RETREG1: variants seen among roughly 807,000 people sequenced by gnomAD.
RETREG1 encodes the protein family with sequence similarity 134 member B.
A neutral mutation model predicts 54.8 loss-of-function variants in RETREG1; 44 were observed. The ratio of observed to expected loss-of-function variants is 0.80; its 90% CI spans 0.63 to 1.03. The LOEUF (loss-of-function observed/expected upper bound fraction) is 1.03. Among genes scored for constraint, RETREG1 ranks in the 50% least tolerant of loss-of-function variants. The pLI, the probability that RETREG1 is intolerant of heterozygous loss-of-function variation, is 0.00. For missense variants in RETREG1, 554 were observed against 605.1 expected (o/e 0.92, Z 0.89); for synonymous variants, 217 against 238.5 (o/e 0.91, Z 0.83).
At chr5:16,543,502 C>A (rs527780858) in intron 3 of RETREG1, among the ~76,000 whole-genome samples, 1 of 151,926 alleles carries the variant, frequency 6.6e-6, no homozygotes, top group African/African-American at 2.4e-5. Flanking sequence ...ATGATGAAAC[C>A]CTATCTCTAG....
intron 3 of RETREG1, among the ~76,000 whole-genome samples, chr5:16,502,014 T>C (rs1739738772): frequency 6.6e-6 from 1 of 150,910 alleles, no homozygotes; most frequent in African/African-American, 2.4e-5. Context: ...TGGAGTGTAG[T>C]GGCGTGATCT....
rs988540784 is a variant in RETREG1, at chr5:16,502,425, C to T, written c.459-18953G>A. Among the ~76,000 whole-genome samples the T allele has an allele frequency of 4.6e-5, 7 of 152,292 alleles. No individual in the cohort carries two copies. The South Asian group carries it at 1.5e-3, about 32-fold the overall frequency. ...GACTGATGCTGTCCCAGCTTCTGGG[C>T]CCAGGCCTTAAGGAACAGGCAATAA... On this transcript the variant is annotated intron_variant, in intron 3 of 8. Coordinates refer to ENST00000306320, the MANE Select transcript of RETREG1 (RefSeq NM_001034850.3).
intron 3 of RETREG1, among the ~76,000 whole-genome samples, chr5:16,549,470 A>G (rs1420224660): frequency 1.3e-5 from 2 of 152,218 alleles, no homozygotes; most frequent in Non-Finnish European, 2.9e-5. Context: ...GGGCTTTTCT[A>G]TTCCTGTTTA....
intron 1 of RETREG1, among the ~76,000 whole-genome samples, chr5:16,598,235 ACTT>A (rs1462003607): frequency 6.6e-6 from 1 of 152,124 alleles, no homozygotes; most frequent in Admixed American, 6.5e-5. Flanking sequence ...CTAAAATGTC[ACTT>A]CTTCTAGGTC....
intron 3 of RETREG1, among the ~76,000 whole-genome samples, chr5:16,547,714 CA>C (rs1375753092): frequency 6.6e-6 from 1 of 152,138 alleles, no homozygotes; most frequent in Non-Finnish European, 1.5e-5. Context: ...GCAGGTTTTA[CA>C]AACCCCTTTA....
intron 5 of RETREG1, among the ~76,000 whole-genome samples, chr5:16,480,601 C>CT (rs1409759837): frequency 6.6e-6 from 1 of 152,102 alleles, no homozygotes; most frequent in Non-Finnish European, 1.5e-5. Flanking sequence ...TGCATCCCTC[C>CT]TAATACTTGA....
intron 3 of RETREG1, among the ~76,000 whole-genome samples, chr5:16,552,739 C>T (rs1377592717): frequency 6.6e-6 from 1 of 152,208 alleles, no homozygotes; most frequent in Non-Finnish European, 1.5e-5. Flanking sequence ...CACCTGTGCA[C>T]ACAGGTACAG....
At chr5:16,520,073 A>G (rs1423944814) in intron 3 of RETREG1, among the ~76,000 whole-genome samples, 1 of 152,164 alleles carries the variant, frequency 6.6e-6, no homozygotes, top group Non-Finnish European at 1.5e-5. Flanking sequence ...GCCTGGACAG[A>G]GCGGACTGCA....
intron 3 of RETREG1, among the ~76,000 whole-genome samples, chr5:16,489,203 AACT>A (rs1450443248): frequency 6.6e-6 from 1 of 152,082 alleles, no homozygotes; most frequent in African/African-American, 2.4e-5. Context: ...TGAACAAAAT[AACT>A]CAGTCAAACT....
At chr5:16,601,675 C>G (rs142052876) in intron 1 of RETREG1, among the ~76,000 whole-genome samples, 1 of 152,068 alleles carries the variant, frequency 6.6e-6, no homozygotes, top group Non-Finnish European at 1.5e-5. Context: ...CGATTATAGG[C>G]GTGAGCCACC....
chr5:16,539,100 T>C (rs1741164546), intron 3 of RETREG1, among the ~76,000 whole-genome samples: 1 of 152,140 alleles, frequency 6.6e-6, no homozygotes, highest in Admixed American at 6.5e-5. Flanking sequence ...CAGACATCAG[T>C]ATAAGGCACC....
intron 3 of RETREG1, among the ~76,000 whole-genome samples, chr5:16,511,189 CTG>C (rs1432614961): frequency 6.6e-6 from 1 of 152,204 alleles, no homozygotes; most frequent in Non-Finnish European, 1.5e-5. Flanking sequence ...TCAGCAAAAA[CTG>C]TGCATCAAAT....
At position 16,560,666 on chromosome 5, in the gene RETREG1, G is replaced by GA. The variant is rs531786856; in HGVS notation, c.458+5096dup. ...GCTCAGCACCTGTGAATGTGGAGGT[G>GA]AAAAAACCCTAATCCCACATGGCTC... On this transcript the variant is annotated intron_variant, in intron 3 of 8. Coordinates refer to ENST00000306320, the MANE Select transcript of RETREG1 (RefSeq NM_001034850.3). Among the ~76,000 whole-genome samples, 27 of 152,238 alleles carry GA rather than the reference G, an allele frequency of 1.8e-4. No homozygotes were observed. The East Asian group carries it at 4.6e-3, about 26-fold the overall frequency.
chr5:16,590,095 C>T (rs1742719603), intron 1 of RETREG1, among the ~76,000 whole-genome samples: 1 of 152,242 alleles, frequency 6.6e-6, no homozygotes, highest in African/African-American at 2.4e-5. Context: ...ATTTCCAGAA[C>T]ATTCTAAACT....
At chr5:16,583,331 C>CAAA (rs112195480) in intron 1 of RETREG1, among the ~76,000 whole-genome samples, 1 of 142,650 alleles carries the variant, frequency 7.0e-6, no homozygotes, top group African/African-American at 2.6e-5. Context: ...ACCAAAAATA[C>CAAA]AAAAAAAAAA....
At chr5:16,573,008 C>A (rs960600323) in intron 1 of RETREG1, among the ~76,000 whole-genome samples, 9 of 151,814 alleles carry the variant, frequency 5.9e-5, no homozygotes, top group Admixed American at 6.6e-5. Flanking sequence ...CATGGTGAAA[C>A]CCCGTCTCTA....
intron 1 of RETREG1, among the ~76,000 whole-genome samples, chr5:16,615,412 AAAAG>A (rs1236749186): frequency 1.9e-4 from 29 of 150,208 alleles, no homozygotes; most frequent in Non-Finnish European, 3.5e-4. Flanking sequence ...AAAAAAAAAA[AAAAG>A]AAAGAAAGAA....
At position 16,523,852 on chromosome 5, in the gene RETREG1, G is replaced by A. The variant is rs554395976; in HGVS notation, c.459-40380C>T. On this transcript the variant is annotated intron_variant, in intron 3 of 8. Coordinates refer to ENST00000306320, the MANE Select transcript of RETREG1 (RefSeq NM_001034850.3). The stretch of plus-strand genomic sequence containing the variant: ...GACTCGTGTGTTTTCACATACTTTG[G>A]GCGGTAATCCAGTGCTCTGTGATTT... Among the ~76,000 whole-genome samples, 6 of 152,078 alleles carry A rather than the reference G, an allele frequency of 3.9e-5. No individual in the cohort carries two copies. In the South Asian group the frequency reaches 1.2e-3, roughly 32 times the overall value.
At chr5:16,547,757 C>T (rs1465733953) in intron 3 of RETREG1, among the ~76,000 whole-genome samples, 1 of 152,126 alleles carries the variant, frequency 6.6e-6, no homozygotes, top group African/African-American at 2.4e-5. Flanking sequence ...ACACATATAA[C>T]ATTTTAACGT....
Sources: allele counts gnomAD v4.1 joint callset (sites outside exome capture counted in the v4.1 genomes callset), GRCh38; gene constraint gnomAD v4.1.1; transcripts MANE v1.5; gene names NCBI Gene and HGNC (gene_info 2026-07-23, HGNC 2026-07-21).